The following ITPR2 variants were observed in gnomAD, a reference collection of about 807,000 sequenced individuals.
The protein encoded by ITPR2 is inositol 1,4,5-trisphosphate-gated calcium channel ITPR2.
ITPR2 carries 207 observed loss-of-function variants against 317.1 expected under a neutral mutation model. The ratio of observed to expected loss-of-function variants is 0.65; its 90% CI spans 0.58 to 0.73. ITPR2 has a LOEUF of 0.73. Ranked by LOEUF, ITPR2 falls within the 30% of genes least tolerant of loss-of-function variation. The pLI, the probability that ITPR2 is intolerant of heterozygous loss-of-function variation, is 0.00. For synonymous variants in ITPR2, 1,156 were observed against 1,149.1 expected (o/e 1.01, Z -0.12); for missense variants, 2,613 against 3,284.0 (o/e 0.80, Z 4.99).
At chr12:26,552,052 G>A (rs879837452) in intron 36 of ITPR2, among the ~76,000 whole-genome samples, 1 of 152,198 alleles carries the variant, frequency 6.6e-6, no homozygotes, top group Non-Finnish European at 1.5e-5. Context: ...CAGAGGTTGG[G>A]TGAGGACGTA....
intron 39 of ITPR2, among the ~76,000 whole-genome samples, chr12:26,490,169 C>T (rs57835726): frequency 0.045 from 6,852 of 152,112 alleles, 368 homozygotes; most frequent in African/African-American, 0.13. Flanking sequence ...GATATGATCC[C>T]CTATACTGAA....
intron 55 of ITPR2, among the ~76,000 whole-genome samples, chr12:26,372,155 T>C (rs1939206389): frequency 6.6e-6 from 1 of 152,196 alleles, no homozygotes; most frequent in Non-Finnish European, 1.5e-5. Context: ...TCATCAAATA[T>C]TGCTGCCTGT....
At chr12:26,574,796 G>A (rs560632000) in intron 34 of ITPR2, among the ~76,000 whole-genome samples, 4 of 152,184 alleles carry the variant, frequency 2.6e-5, no homozygotes, top group African/African-American at 7.2e-5. Flanking sequence ...TGTGGCGAGG[G>A]CAGGAGCAAG....
intron 37 of ITPR2, among the ~76,000 whole-genome samples, chr12:26,512,566 C>A (rs139581328): frequency 6.6e-6 from 1 of 152,258 alleles, no homozygotes; most frequent in African/African-American, 2.4e-5. Flanking sequence ...ACCTGGAAGC[C>A]CCTGCTTTGA....
intron 47 of ITPR2, among the ~76,000 whole-genome samples, chr12:26,436,584 G>T (rs1243323627): frequency 1.3e-5 from 2 of 152,144 alleles, no homozygotes; most frequent in Non-Finnish European, 2.9e-5. Flanking sequence ...ACTGTAGAAG[G>T]GTGAGGAATT....
intron 2 of ITPR2, among the ~76,000 whole-genome samples, chr12:26,736,853 T>A (rs1949127971): frequency 6.6e-6 from 1 of 152,206 alleles, no homozygotes; most frequent in African/African-American, 2.4e-5. Flanking sequence ...AGCAGCATCC[T>A]AACAAATTAG....
intron 1 of ITPR2, among the ~76,000 whole-genome samples, chr12:26,799,553 C>T (rs944990541): frequency 1.2e-4 from 18 of 152,172 alleles, no homozygotes; most frequent in Admixed American, 7.9e-4. Flanking sequence ...AAGAGAAACA[C>T]ATCTATCTGA....
At chr12:26,436,440 C>A in intron 47 of ITPR2, 94 bp from the exon 48 acceptor site, 2 of 1,119,194 alleles carry the variant, frequency 1.8e-6, no homozygotes, top group South Asian at 3.1e-5. Context: ...CTAAATGCAT[C>A]ATTTTTGTAA....
intron 1 of ITPR2, among the ~76,000 whole-genome samples, chr12:26,790,586 T>TACACAC (rs10527860): frequency 0.068 from 10,103 of 147,750 alleles, 546 homozygotes; most frequent in African/African-American, 0.15. Context: ...CATATATGCT[T>TACACAC]ACACACACAC....
At chr12:26,828,699 C>T (rs1951047666) in intron 1 of ITPR2, among the ~76,000 whole-genome samples, 1 of 152,128 alleles carries the variant, frequency 6.6e-6, no homozygotes, top group African/African-American at 2.4e-5. Flanking sequence ...TATGGATTCC[C>T]AACCTTGAAA....
intron 45 of ITPR2, among the ~76,000 whole-genome samples, chr12:26,474,328 C>T (rs1217411712): frequency 6.6e-6 from 1 of 152,146 alleles, no homozygotes; most frequent in Non-Finnish European, 1.5e-5. Flanking sequence ...AACAAAGGAG[C>T]TATCATAGAC....
intron 42 of ITPR2, among the ~76,000 whole-genome samples, chr12:26,481,699 T>G (rs1462076124): frequency 6.6e-6 from 1 of 152,230 alleles, no homozygotes; most frequent in Non-Finnish European, 1.5e-5. Flanking sequence ...TGAAGCATTT[T>G]AATTTCGTTG....
intron 21 of ITPR2, among the ~76,000 whole-genome samples, chr12:26,632,602 T>A (rs958638375): frequency 6.6e-6 from 1 of 152,142 alleles, no homozygotes; most frequent in Non-Finnish European, 1.5e-5. Context: ...GAAAAAATAG[T>A]CTCATCTGGG....
rs775927609 is a variant in ITPR2 at position 26,655,855 on chromosome 12, GGAAATAGA to G, written c.2445-11_2445-4del. The G allele has an allele frequency of 1.1e-5, 17 of 1,602,806 alleles. No individual in the cohort carries two copies. In the Middle Eastern group the frequency reaches 8.3e-4, roughly 78 times the overall value. On this transcript the variant is annotated splice_region_variant and splice_polypyrimidine_tract_variant and intron_variant, in intron 19 of 56. Transcript: ENST00000381340. The stretch of plus-strand genomic sequence containing the variant: ...AAGAGTCTGTTATAGAATCATATCT[GGAAATAGA>G]GAAAGAAGATAACGCAAGTTAAACT...
chr12:26,373,242 G>T (rs927050228), intron 55 of ITPR2, among the ~76,000 whole-genome samples: 1 of 152,200 alleles, frequency 6.6e-6, no homozygotes, highest in Non-Finnish European at 1.5e-5. Flanking sequence ...AGAGTTATCA[G>T]AATTTTAGAA....
chr12:26,526,041 T>G (rs1025231250), intron 37 of ITPR2, among the ~76,000 whole-genome samples: 2 of 152,192 alleles, frequency 1.3e-5, no homozygotes, highest in South Asian at 4.1e-4. Context: ...TTGCTCACAC[T>G]CTCACCCAGA....
intron 55 of ITPR2, among the ~76,000 whole-genome samples, chr12:26,375,312 C>T (rs1939303896): frequency 6.6e-6 from 1 of 152,150 alleles, no homozygotes; most frequent in African/African-American, 2.4e-5. Context: ...CTTCATAAGT[C>T]TAAAATAAAT....
chr12:26,668,241 T>C (rs1453199674), intron 13 of ITPR2, among the ~76,000 whole-genome samples: 1 of 152,100 alleles, frequency 6.6e-6, no homozygotes, highest in East Asian at 1.9e-4. Flanking sequence ...CAAAAACACA[T>C]GATAGGGAAA....
In ITPR2 at chr12:26,537,074, T is replaced by TTAGAGAAGAGGACAAGGA. The variant is rs559202028; in HGVS notation, c.5073+13155_5073+13172dup. 1.9e-3 allele frequency among the ~76,000 whole-genome samples: 289 copies of TTAGAGAAGAGGACAAGGA among 152,256 alleles called. 1 individual carries two copies. Among genetic ancestry groups the TTAGAGAAGAGGACAAGGA allele is most frequent in the African/African-American group, 6.8e-3 (281 of 41,554 alleles). ...TAAAGCAAGAAGCTGGAGGGACCGC[T>TTAGAGAAGAGGACAAGGA]TAGAGAAGAGGACAAGGATAGAGGA... On this transcript the variant is annotated intron_variant, in intron 37 of 56. Transcript: ENST00000381340.
Sources: gnomAD v4.1 joint callset for allele counts (sites outside exome capture counted in the v4.1 genomes callset) on GRCh38, gnomAD v4.1.1 for gene constraint, MANE v1.5 for transcripts, NCBI Gene and HGNC (gene_info 2026-07-23, HGNC 2026-07-21) for gene names.